The following RCBTB1 variants were observed in gnomAD, a reference collection of about 807,000 sequenced individuals.
RCBTB1 encodes the protein RCC1 and BTB domain containing protein 1, also known as RCC1 and BTB domain-containing protein 1.
In RCBTB1, 46 loss-of-function variants were observed where a neutral mutation model predicts 62.4. The ratio of observed to expected loss-of-function variants is 0.74; its 90% CI spans 0.58 to 0.94. The LOEUF (loss-of-function observed/expected upper bound fraction) is 0.94. Ranked by LOEUF, RCBTB1 falls within the 40% of genes least tolerant of loss-of-function variation. The probability of loss-of-function intolerance (pLI) is 0.00; values close to 1 mark genes in which losing one functional copy is unlikely to be tolerated. For missense variants in RCBTB1, 565 were observed against 654.9 expected, an observed-to-expected ratio of 0.86 and a Z score of 1.50; for synonymous variants, 222 against 245.8, an observed-to-expected ratio of 0.90 and a Z score of 0.91.
chr13:49,559,887 A>T (rs763498663), intron 5 of RCBTB1, 31 bp downstream of exon 5: 2 of 1,577,334 alleles, frequency 1.3e-6, no homozygotes, highest in Non-Finnish European at 1.7e-6. Flanking sequence ...TGAAAAAAAA[A>T]AAGAATAAAG....
At chr13:49,567,110 C>A (rs201666361) in intron 3 of RCBTB1, 44 bp downstream of exon 3, 31 of 1,599,864 alleles carry the variant, frequency 1.9e-5, no homozygotes, top group Admixed American at 3.4e-5. Context: ...AGACCAATTG[C>A]CAAATAAGTC....
intron 4 of RCBTB1, among the ~76,000 whole-genome samples, chr13:49,561,929 TAAA>T (rs58254547): frequency 3.3e-4 from 45 of 134,758 alleles, no homozygotes; most frequent in South Asian, 4.6e-4. Flanking sequence ...CCACATCTAC[TAAA>T]AAAAAAAAAA....
intron 5 of RCBTB1, among the ~76,000 whole-genome samples, chr13:49,558,576 C>A (rs7994612): frequency 0.59 from 88,550 of 151,124 alleles, 27,328 homozygotes; most frequent in Admixed American, 0.7. Context: ...CGCCTGTAAT[C>A]CCAGCTACTC....
intron 6 of RCBTB1, among the ~76,000 whole-genome samples, chr13:49,554,826 G>T (rs889531096): frequency 1.3e-5 from 2 of 152,276 alleles, no homozygotes; most frequent in Middle Eastern, 6.8e-3. Context: ...CCAGTCCCTG[G>T]TGCCAAAAAG....
intron 12 of RCBTB1, 86 bp downstream of exon 12, chr13:49,540,790 G>C: frequency 6.9e-7 from 1 of 1,450,404 alleles, no homozygotes; most frequent in Non-Finnish European, 9.3e-7. Context: ...GTGACTCATC[G>C]TTTTCCATGC....
Position 49,549,622 on chromosome 13 carries a change from G to A in RCBTB1, c.881C>T (p.Ser294Phe). ...ERVVEIAACH[S>F]AHTSAAKTQG... Reference sequence around the variant, plus strand: ...CGTCTTGGCTGCAGACGTGTGGGCAGAGTGACAGGCTGCAATCTCTACCAC... The same window carrying A: ...CGTCTTGGCTGCAGACGTGTGGGCAAAGTGACAGGCTGCAATCTCTACCAC... Residue 294 changes from serine (S) to phenylalanine (F), a missense_variant, in exon 9 of 13, where the codon TCT becomes TTT. Physicochemically the swap from Ser to Phe is radical, Grantham distance 155. Coordinates refer to ENST00000378302, the MANE Select transcript of RCBTB1 (RefSeq NM_018191.4). 1.2e-6 allele frequency: 2 copies of A among 1,612,408 alleles called. No individual in the cohort carries two copies. The highest frequency in any genetic ancestry group is 1.7e-6 in the Non-Finnish European group (2 of 1,179,180).
At chr13:49,535,392 A>G (rs1006710392) in intron 12 of RCBTB1, among the ~76,000 whole-genome samples, 6 of 152,208 alleles carry the variant, frequency 3.9e-5, no homozygotes, top group African/African-American at 1.2e-4. Flanking sequence ...CAAAGACTCA[A>G]TATATAAAAG....
chr13:49,554,684 C>T (rs1961695761), intron 6 of RCBTB1, among the ~76,000 whole-genome samples: 1 of 152,132 alleles, frequency 6.6e-6, no homozygotes, highest in South Asian at 2.1e-4. Flanking sequence ...TTGTGAACTG[C>T]ACAACAAGGC....
rs1961779524 is a variant in RCBTB1, at chr13:49,555,543, G to A, written c.575C>T (p.Ser192Leu). 6 of 1,613,982 alleles carry A rather than the reference G, an allele frequency of 3.7e-6. No individual in the cohort carries two copies. The highest frequency in any genetic ancestry group is 5.1e-6 in the Non-Finnish European group (6 of 1,179,830). ...GCCATTGTCCAGAACAGCCATGGAT[G>A]AAGTCTGACCACAGGCAATGCCAAC... The part of the protein sequence containing the change: ...RVVGIACGQT[S>L]SMAVLDNGEV... The change falls in exon 6 of 13, where the codon TCA (serine) becomes TTA (leucine). Residue 192 changes from serine to leucine, a missense_variant. Transcript: ENST00000378302.
intron 4 of RCBTB1, among the ~76,000 whole-genome samples, chr13:49,561,642 C>T (rs1190074235): frequency 1.3e-5 from 2 of 151,868 alleles, no homozygotes; most frequent in East Asian, 3.8e-4. Context: ...CCTACATAAA[C>T]TTATAAAGTT....
chr13:49,566,861 C>A, intron 3 of RCBTB1, 93 bp from the exon 4 acceptor site: 1 of 1,233,316 alleles, frequency 8.1e-7, no homozygotes, highest in South Asian at 1.5e-5. Flanking sequence ...ATTTCAACTA[C>A]AGAGCTCAGG....
chr13:49,566,672 T>A lies in RCBTB1; in HGVS notation c.223A>T (p.Lys75Ter). The change falls in exon 4 of 13, where the codon AAG becomes TAG. Residue 75 changes from lysine to a stop codon, truncating the protein, a stop_gained. Transcript: ENST00000378302. LOFTEE classifies it high-confidence loss of function. ...CTCCCGTAACTGAGGCTTTTAATCT[T>A]CTTTCCACATAAGCCTTCTAGCTTT... ...PKKLEGLCGK[K>*]IKSLSYGSGP... 1 of 1,614,228 alleles carries A rather than the reference T, an allele frequency of 6.2e-7. No homozygotes were observed. Among genetic ancestry groups the A allele is most frequent in the Non-Finnish European group, 8.5e-7 (1 of 1,180,016 alleles).
intron 12 of RCBTB1, among the ~76,000 whole-genome samples, chr13:49,539,084 G>A (rs1047762870): frequency 4.6e-5 from 7 of 151,788 alleles, no homozygotes; most frequent in South Asian, 4.2e-4. Flanking sequence ...TGGCCAGGCT[G>A]GTCTCAAACT....
chr13:49,569,440 G>A (rs969797297), intron 2 of RCBTB1, among the ~76,000 whole-genome samples: 5 of 151,778 alleles, frequency 3.3e-5, no homozygotes, highest in African/African-American at 9.7e-5. Flanking sequence ...GGCCAGGCAC[G>A]GTAGCTCACT....
chr13:49,567,202 G>A lies in RCBTB1; in HGVS notation c.78C>T (p.Val26=), dbSNP rs767681064. ...QEIASIRKAC[V]FGTSASEALY... is the part of the protein sequence containing the mutation. ...GTGCTTCACTGGCTGAGGTGCCGAA[G>A]ACACACGCCTTCCGAATAGACGCGA... Residue 26 remains valine, a synonymous_variant, in exon 3 of 13, where the codon GTC becomes GTT. Coordinates refer to ENST00000378302, the MANE Select transcript of RCBTB1 (RefSeq NM_018191.4). 2.5e-6 allele frequency: 4 copies of A among 1,613,860 alleles called. No homozygotes were observed. Among genetic ancestry groups the A allele is most frequent in the Non-Finnish European group, 3.4e-6 (4 of 1,179,786 alleles).
chr13:49,552,401 T>G, intron 6 of RCBTB1, 116 bp from the exon 7 acceptor site: 1 of 609,088 alleles, frequency 1.6e-6, no homozygotes, highest in African/African-American at 1.9e-5. Context: ...TATTCTACTC[T>G]ATGCTCCTGC....
chr13:49,553,011 A>G (rs1347177118), intron 6 of RCBTB1, among the ~76,000 whole-genome samples: 5 of 152,032 alleles, frequency 3.3e-5, no homozygotes, highest in African/African-American at 7.2e-5. Flanking sequence ...GTGAAACCCC[A>G]TCTCTACTAA....
intron 2 of RCBTB1, among the ~76,000 whole-genome samples, chr13:49,578,949 T>C (rs1047696624): frequency 1.3e-5 from 2 of 152,228 alleles, no homozygotes; most frequent in African/African-American, 4.8e-5. Context: ...GGGTAAACTT[T>C]GGTATACAAC....
chr13:49,575,251 C>T (rs1963693944), intron 2 of RCBTB1, among the ~76,000 whole-genome samples: 1 of 152,050 alleles, frequency 6.6e-6, no homozygotes, highest in Admixed American at 6.5e-5. Flanking sequence ...AAGTCAAAAA[C>T]AAAAGATATT....
Sources: gnomAD v4.1 joint callset for allele counts (sites outside exome capture counted in the v4.1 genomes callset) on GRCh38, gnomAD v4.1.1 for gene constraint, MANE v1.5 for transcripts, NCBI Gene and HGNC (gene_info 2026-07-23, HGNC 2026-07-21) for gene names.